The following LRRC43 variants were observed in gnomAD, a reference collection of about 807,000 sequenced individuals.
LRRC43 encodes leucine rich repeat containing 43.
Under a neutral mutation model 64.3 loss-of-function variants are expected in LRRC43, and 62 were observed. The ratio of observed to expected loss-of-function variants is 0.96; its 90% CI spans 0.79 to 1.19. The LOEUF (loss-of-function observed/expected upper bound fraction) is 1.19. LRRC43 is among the 50% of genes most tolerant of loss of function. LRRC43 has a pLI of 0.00. For synonymous variants in LRRC43, 422 were observed against 382.3 expected, an observed-to-expected ratio of 1.10 and a Z score of -1.21; for missense variants, 868 against 845.0, an observed-to-expected ratio of 1.03 and a Z score of -0.34.
intron 4 of LRRC43, among the ~76,000 whole-genome samples, chr12:122,189,838 G>A (rs1029035812): frequency 2.6e-5 from 4 of 152,258 alleles, no homozygotes; most frequent in Non-Finnish European, 4.4e-5. Context: ...GCGAGGCTCT[G>A]TGGAAGCTAC....
In LRRC43 at chr12:122,187,682, C is replaced by T; in HGVS notation, c.523-19C>T. 1 of 1,611,988 alleles carries T rather than the reference C, an allele frequency of 6.2e-7. No individual in the cohort carries two copies. Among genetic ancestry groups the T allele is most frequent in the South Asian group, 1.1e-5 (1 of 91,058 alleles). ...GACTTGGGGCCCCATCGTCCCGGGC[C>T]TTCCGTGTGGTCTCCCAGGTGCTGG... On this transcript the variant is annotated intron_variant, in intron 3 of 11. Transcript: ENST00000339777.
intron 5 of LRRC43, 67 bp downstream of exon 5, chr12:122,190,435 G>C: frequency 7.7e-7 from 1 of 1,291,402 alleles, no homozygotes; most frequent in East Asian, 2.3e-5. Flanking sequence ...GCTGTGCCCC[G>C]CCCTCCTGGG....
At chr12:122,195,717 G>A (rs1480512850) in intron 7 of LRRC43, among the ~76,000 whole-genome samples, 1 of 152,114 alleles carries the variant, frequency 6.6e-6, no homozygotes, top group Non-Finnish European at 1.5e-5. Flanking sequence ...CTCTGGGTAT[G>A]GATGTGTTTG....
chr12:122,185,492 C>G (rs1307704109), intron 2 of LRRC43, among the ~76,000 whole-genome samples: 2 of 152,110 alleles, frequency 1.3e-5, no homozygotes, highest in East Asian at 3.9e-4. Flanking sequence ...AGCAAGCAAG[C>G]AAACAAGAGT....
intron 5 of LRRC43, 147 bp from the exon 6 acceptor site, chr12:122,191,233 G>C (rs573575293): frequency 1.6e-6 from 1 of 643,288 alleles, no homozygotes; most frequent in African/African-American, 1.8e-5. Context: ...GCTTGCCAGA[G>C]CTGTGACATG....
chr12:122,187,892 TG>T, intron 4 of LRRC43, 52 bp downstream of exon 4: 1 of 1,596,690 alleles, frequency 6.3e-7, no homozygotes. Flanking sequence ...AGTATCAGGT[TG>T]GGGCGATTCT....
At chr12:122,182,680 G>C (rs1489274322), upstream of LRRC43, among the ~76,000 whole-genome samples, 1 of 152,118 alleles carries the variant, frequency 6.6e-6, no homozygotes, top group African/African-American at 2.4e-5. Context: ...GCGACAGAGC[G>C]AGACTCTGTC....
At chr12:122,172,713 G>A in intron 1 of LRRC43, 1 of 1,613,380 alleles carries the variant, frequency 6.2e-7, no homozygotes, top group Non-Finnish European at 8.5e-7. Context: ...GTAATTCTGG[G>A]ACACGAGCAC....
At chr12:122,173,925 G>T (rs748536981) in intron 1 of LRRC43, 1 of 1,614,068 alleles carries the variant, frequency 6.2e-7, no homozygotes, top group Admixed American at 1.7e-5. Flanking sequence ...GTAAACGGAC[G>T]GGCAACGTGT....
At chr12:122,171,287 A>C (rs981187946) in intron 1 of LRRC43, among the ~76,000 whole-genome samples, 2 of 152,202 alleles carry the variant, frequency 1.3e-5, no homozygotes, top group African/African-American at 4.8e-5. Context: ...GCCTTGAGCA[A>C]GTGACTGACT....
intron 7 of LRRC43, among the ~76,000 whole-genome samples, chr12:122,199,698 C>T (rs933228338): frequency 2.6e-5 from 4 of 152,074 alleles, no homozygotes; most frequent in African/African-American, 9.7e-5. Flanking sequence ...ATCCTCCTAC[C>T]TCAGCCCCCA....
chr12:122,184,015 A>G lies in LRRC43; in HGVS notation c.151-504A>G, dbSNP rs1449181560. On this transcript the variant is annotated intron_variant, in intron 1 of 11. Transcript: ENST00000339777. The surrounding 1 kb of genome is among the most constrained non-coding windows in gnomAD (Gnocchi z 4.0). ...CTTTTTAAAAGGAATGGCACCTTTT[A>G]ATTATTTTGTATCTCACCTCATCTG... Among the ~76,000 whole-genome samples the G allele has an allele frequency of 6.6e-6, 1 of 152,112 alleles. No individual in the cohort carries two copies. The highest frequency in any genetic ancestry group is 1.5e-5 in the Non-Finnish European group (1 of 68,030).
At position 122,200,579 on chromosome 12, in the gene LRRC43, T is replaced by C; in HGVS notation, c.1539T>C (p.Ser513=). ...TACCTGCTGTTGACAGTCCCCTGTC[T>C]GCCAAGAAAGGAAAGGGGGAGAAAG... ...VVLPAVDSPL[S]AKKGKGEKDK... is the part of the protein sequence containing the mutation. The change falls in exon 9 of 12, where the codon TCT becomes TCC. Residue 513 remains serine (S), a synonymous_variant. Coordinates refer to ENST00000339777, the MANE Select transcript of LRRC43 (RefSeq NM_001098519.2). The surrounding 1 kb of genome is among the most constrained non-coding windows in gnomAD (Gnocchi z 4.6). The C allele has an allele frequency of 6.5e-7, 1 of 1,537,144 alleles. No homozygotes were observed. Among genetic ancestry groups the C allele is most frequent in the South Asian group, 1.1e-5 (1 of 90,406 alleles).
At chr12:122,176,506 C>A (rs941342549) in intron 1 of LRRC43, among the ~76,000 whole-genome samples, 1 of 144,366 alleles carries the variant, frequency 6.9e-6, no homozygotes, top group African/African-American at 2.6e-5. Context: ...TTATTTTTTT[C>A]TTTTCTTAAT....
intron 7 of LRRC43, among the ~76,000 whole-genome samples, chr12:122,194,730 C>T (rs1416814256): frequency 6.6e-6 from 1 of 152,164 alleles, no homozygotes. Flanking sequence ...CTCAGCCTCC[C>T]AAAGTGCTGC....
chr12:122,184,887 C>A lies in LRRC43; in HGVS notation c.411+108C>A, dbSNP rs371279456. 1.4e-5 allele frequency: 18 copies of A among 1,296,728 alleles called. No individual in the cohort carries two copies. The East Asian group carries it at 2.5e-4, about 18-fold the overall frequency. The allele number at this position is 1,296,728 out of a possible 1,614,324, so 80.3% of individuals were successfully genotyped here. ...CGCGTCAGGGATCCTGCTTTCAGGGCTGAAACGAAGGCCAGCCTGCCCTCC... is the reference window on the plus strand; with the variant it reads ...CGCGTCAGGGATCCTGCTTTCAGGGATGAAACGAAGGCCAGCCTGCCCTCC... On this transcript the variant is annotated intron_variant, in intron 2 of 11. Coordinates refer to ENST00000339777, the MANE Select transcript of LRRC43 (RefSeq NM_001098519.2). This position sits in a 1 kb window ranked among gnomAD's most constrained non-coding sequence, Gnocchi z 4.0.
In LRRC43 at chr12:122,185,750, G is replaced by A. The variant is rs561759300; in HGVS notation, c.412-440G>A. On this transcript the variant is annotated intron_variant, in intron 2 of 11. Transcript: ENST00000339777. ...GGCCCTGGAGAAGCGAGGCCCCGCT[G>A]GGAAGGGCCCTGATGTCTTTGAGGT... 2.0e-5 allele frequency among the ~76,000 whole-genome samples: 3 copies of A among 152,292 alleles called. No homozygotes were observed. The South Asian group carries it at 6.2e-4, about 32-fold the overall frequency.
intron 7 of LRRC43, among the ~76,000 whole-genome samples, chr12:122,198,875 C>T (rs1223163321): frequency 1.3e-5 from 2 of 151,864 alleles, no homozygotes; most frequent in African/African-American, 4.8e-5. Context: ...TCAAGTGATC[C>T]GCCCACCTCG....
chr12:122,186,751 T>A (rs1953649450), intron 3 of LRRC43, among the ~76,000 whole-genome samples: 1 of 152,130 alleles, frequency 6.6e-6, no homozygotes, highest in Non-Finnish European at 1.5e-5. Context: ...AAACCCCATC[T>A]CTACTAAAAA....
Sources: allele counts gnomAD v4.1 joint callset (sites outside exome capture counted in the v4.1 genomes callset), GRCh38; gene constraint gnomAD v4.1.1; non-coding constraint Gnocchi (gnomAD v3.1); transcripts MANE v1.5; gene names NCBI Gene and HGNC (gene_info 2026-07-23, HGNC 2026-07-21).